Variants in CSMD2 observed in about 807,000 individuals in gnomAD.
CSMD2 encodes CUB and sushi domain-containing protein 2.
In CSMD2, 130 loss-of-function variants were observed where a neutral mutation model predicts 398.5. That is an observed-to-expected ratio of 0.33 (90% CI 0.28 to 0.38). CSMD2 has a LOEUF of 0.38. CSMD2 is among the 10% of genes least tolerant of loss of function. The pLI, the probability that CSMD2 is intolerant of heterozygous loss-of-function variation, is 1.00. For missense variants in CSMD2, 3,829 were observed against 4,764.9 expected (o/e 0.80, Z 5.78); for synonymous variants, 1,828 against 1,908.5 (o/e 0.96, Z 1.10).
intron 12 of CSMD2, among the ~76,000 whole-genome samples, chr1:33,781,229 C>G (rs556013851): frequency 6.6e-6 from 1 of 152,208 alleles, no homozygotes; most frequent in African/African-American, 2.4e-5. Context: ...CCCACCTGTT[C>G]CCTCTCTCAA....
intron 13 of CSMD2, among the ~76,000 whole-genome samples, chr1:33,750,306 A>G (rs9943211): frequency 0.26 from 40,289 of 152,040 alleles, 6,046 homozygotes; most frequent in African/African-American, 0.41. Context: ...GATAAGGAAT[A>G]ATAGCATATA....
intron 10 of CSMD2, among the ~76,000 whole-genome samples, chr1:33,804,254 A>G (rs140170267): frequency 3.5e-4 from 54 of 152,276 alleles, no homozygotes; most frequent in African/African-American, 1.2e-3. Flanking sequence ...TTGAGATAAA[A>G]CCCAAACTTC....
intron 2 of CSMD2, among the ~76,000 whole-genome samples, chr1:34,071,745 A>T (rs1655753268): frequency 6.6e-6 from 1 of 152,256 alleles, no homozygotes; most frequent in South Asian, 2.1e-4. Flanking sequence ...CTTCTCTGCC[A>T]CACTGCTTAA....
intron 2 of CSMD2, among the ~76,000 whole-genome samples, chr1:34,050,483 C>A (rs1653050162): frequency 6.6e-6 from 1 of 152,180 alleles, no homozygotes; most frequent in East Asian, 1.9e-4. Context: ...ATTCACTGGT[C>A]CTACCATGTG....
chr1:34,118,978 C>A (rs1661883510), intron 1 of CSMD2, among the ~76,000 whole-genome samples: 2 of 152,128 alleles, frequency 1.3e-5, no homozygotes, highest in African/African-American at 4.8e-5. Context: ...CAAAACAAAT[C>A]TGAGAAAGAA....
intron 25 of CSMD2, among the ~76,000 whole-genome samples, chr1:33,689,386 C>G (rs544595103): frequency 6.6e-6 from 1 of 152,268 alleles, no homozygotes; most frequent in East Asian, 1.9e-4. Flanking sequence ...CTTCTTTGGA[C>G]CTTTACTTTC....
At chr1:33,572,316 C>T (rs576541980) in intron 50 of CSMD2, among the ~76,000 whole-genome samples, 190 bp downstream of exon 50, 1 of 152,130 alleles carries the variant, frequency 6.6e-6, no homozygotes, top group East Asian at 1.9e-4. Context: ...CATCTTAGGG[C>T]ACAATGGTTA....
intron 25 of CSMD2, 121 bp from the exon 26 acceptor site, chr1:33,663,213 A>C (rs1644197327): frequency 1.3e-6 from 1 of 771,296 alleles, no homozygotes; most frequent in East Asian, 2.7e-5. Flanking sequence ...AAACCTCCGA[A>C]GCCCAGCAGG....
intron 10 of CSMD2, among the ~76,000 whole-genome samples, chr1:33,808,169 CCAT>C (rs555102195): frequency 1.5e-4 from 23 of 152,132 alleles, no homozygotes; most frequent in African/African-American, 5.3e-4. Context: ...GGCAAATCCA[CCAT>C]CATAATGGAA....
chr1:33,749,345 CGCCTCG>C (rs2149269499), intron 13 of CSMD2, among the ~76,000 whole-genome samples: 1 of 152,130 alleles, frequency 6.6e-6, no homozygotes, highest in South Asian at 2.1e-4. Flanking sequence ...ATGATCCACC[CGCCTCG>C]GCCTCCCAAA....
In CSMD2 at chr1:33,787,634, G is replaced by C. The variant is rs541460726; in HGVS notation, c.1663+966C>G. Among the ~76,000 whole-genome samples, 23 of 152,276 alleles carry C rather than the reference G, an allele frequency of 1.5e-4. No individual in the cohort carries two copies. The South Asian group carries it at 4.6e-3, about 30-fold the overall frequency. On this transcript the variant is annotated intron_variant, in intron 12 of 70. Transcript: ENST00000373381. ...CACTAGAGCACAAGTCAGTTGAGAC[G>C]ATGCCTAGACTTGATGTGTCTGTCC... is the stretch of plus-strand genomic sequence containing the variant.
At chr1:33,888,450 A>G (rs984497010) in intron 5 of CSMD2, among the ~76,000 whole-genome samples, 1 of 152,216 alleles carries the variant, frequency 6.6e-6, no homozygotes, top group African/African-American at 2.4e-5. Flanking sequence ...GAAAAAGTCC[A>G]GTTGTAGAAC....
intron 25 of CSMD2, among the ~76,000 whole-genome samples, chr1:33,691,502 C>CATAAGTGA (rs1268788782): frequency 1.3e-5 from 2 of 152,284 alleles, no homozygotes; most frequent in East Asian, 3.9e-4. Flanking sequence ...GAACTGTGTA[C>CATAAGTGA]ATAAGTGAAT....
chr1:33,745,211 T>C (rs1382458866), intron 13 of CSMD2, among the ~76,000 whole-genome samples: 1 of 152,240 alleles, frequency 6.6e-6, no homozygotes, highest in African/African-American at 2.4e-5. Flanking sequence ...TGATTATAGC[T>C]ATTAAATATT....
chr1:34,108,662 T>C (rs931394202), intron 1 of CSMD2, among the ~76,000 whole-genome samples: 1 of 151,926 alleles, frequency 6.6e-6, no homozygotes, highest in African/African-American at 2.4e-5. Flanking sequence ...ATTGGTGAGA[T>C]AAAGGAATGA....
rs183537387 is a variant in CSMD2 at position 33,727,639 on chromosome 1, C to T, written c.2369-954G>A. ...GTGATCTGCACACAGTTTCCTTTTC[C>T]GGCCTCGGTAATTGTGGAAGCAAGT... On this transcript the variant is annotated intron_variant, in intron 15 of 70. Coordinates refer to ENST00000373381, the MANE Select transcript of CSMD2 (RefSeq NM_001281956.2). Among the ~76,000 whole-genome samples the T allele has an allele frequency of 9.2e-4, 140 of 152,230 alleles. No individual in the cohort carries two copies. The Middle Eastern group carries it at 0.01, about 11-fold the overall frequency.
At chr1:33,960,591 G>A (rs1645323498) in intron 3 of CSMD2, among the ~76,000 whole-genome samples, 1 of 152,190 alleles carries the variant, frequency 6.6e-6, no homozygotes, top group Non-Finnish European at 1.5e-5. Context: ...AACAATTACA[G>A]AGAGATAAGG....
intron 44 of CSMD2, chr1:33,600,472 T>C: frequency 1.9e-6 from 1 of 529,246 alleles, no homozygotes; most frequent in South Asian, 2.6e-5. Context: ...AAAAACACAG[T>C]GCTCCTTGAG....
intron 3 of CSMD2, among the ~76,000 whole-genome samples, chr1:33,944,626 G>A (rs1195255553): frequency 6.6e-6 from 1 of 152,194 alleles, no homozygotes; most frequent in East Asian, 1.9e-4. Flanking sequence ...TAGGAGTAGT[G>A]AAAGTAATAA....
Sources: gnomAD v4.1 joint callset for allele counts (sites outside exome capture counted in the v4.1 genomes callset) on GRCh38, gnomAD v4.1.1 for gene constraint, MANE v1.5 for transcripts, NCBI Gene and HGNC (gene_info 2026-07-23, HGNC 2026-07-21) for gene names.